The following ANXA3 variants were observed in gnomAD, a reference collection of about 807,000 sequenced individuals.
The protein encoded by ANXA3 is annexin A3.
A neutral mutation model predicts 48.8 loss-of-function variants in ANXA3; 46 were observed. The observed-to-expected ratio is 0.94, with a 90% confidence interval of 0.74 to 1.21. The LOEUF (loss-of-function observed/expected upper bound fraction) is 1.21. Among genes scored for constraint, ANXA3 ranks in the 50% most tolerant of loss-of-function variants. The probability of loss-of-function intolerance (pLI) is 0.00; values close to 1 mark genes in which losing one functional copy is unlikely to be tolerated. For synonymous variants in ANXA3, 128 were observed against 134.7 expected (o/e 0.95, Z 0.35); for missense variants, 383 against 378.6 (o/e 1.01, Z -0.10).
chr4:78,597,596 G>A (rs1723448327), intron 10 of ANXA3, among the ~76,000 whole-genome samples, 182 bp downstream of exon 10: 1 of 152,082 alleles, frequency 6.6e-6, no homozygotes, highest in African/African-American at 2.4e-5. Context: ...GCTTGAAGAA[G>A]TTATTTTTTT....
chr4:78,586,239 A>T, intron 5 of ANXA3, 21 bp from the exon 6 acceptor site: 1 of 1,599,348 alleles, frequency 6.3e-7, no homozygotes, highest in Non-Finnish European at 8.6e-7. Context: ...TCTAAAAATT[A>T]GATTTTCTTT....
At chr4:78,595,762 TTG>T in intron 8 of ANXA3, 30 bp from the exon 9 acceptor site, 10 of 1,371,224 alleles carry the variant, frequency 7.3e-6, no homozygotes, top group Non-Finnish European at 1.0e-5. Flanking sequence ...AAGAAAATAA[TTG>T]TGTCTCTAAT....
Position 78,595,446 on chromosome 4 carries a change from C to G in ANXA3, c.540+9C>G. The G allele has an allele frequency of 6.2e-7, 1 of 1,612,608 alleles. No individual in the cohort carries two copies. Among genetic ancestry groups the G allele is most frequent in the South Asian group, 1.1e-5 (1 of 90,684 alleles). On this transcript the variant is annotated intron_variant, in intron 8 of 12. Transcript: ENST00000264908. ...CCAAACAAGATGCCCAGGTCAGTAA[C>G]AAAGCGGGAAAACATTTCCTTTACC...
intron 5 of ANXA3, 93 bp from the exon 6 acceptor site, chr4:78,586,167 C>A: frequency 7.2e-6 from 6 of 832,512 alleles, no homozygotes; most frequent in Middle Eastern, 2.7e-4. Flanking sequence ...TTAAAAGTGT[C>A]CTTTCATCTA....
At chr4:78,563,549 C>T (rs1045429397) in intron 2 of ANXA3, among the ~76,000 whole-genome samples, 1 of 152,310 alleles carries the variant, frequency 6.6e-6, no homozygotes, top group Admixed American at 6.5e-5. Context: ...TGTGAGAACA[C>T]AGCCAGAAGG....
chr4:78,586,393 T>A, intron 6 of ANXA3, 43 bp downstream of exon 6: 1 of 1,454,386 alleles, frequency 6.9e-7, no homozygotes, highest in Non-Finnish European at 9.6e-7. Context: ...TCACACATAT[T>A]TGAGCCAATG....
At chr4:78,568,576 T>TAA (rs1246620643) in intron 2 of ANXA3, among the ~76,000 whole-genome samples, 2 of 152,234 alleles carry the variant, frequency 1.3e-5, no homozygotes, top group African/African-American at 4.8e-5. Context: ...CATTTGGCTT[T>TAA]AAATATGTTT....
At chr4:78,588,146 T>A (rs1335824720) in intron 6 of ANXA3, among the ~76,000 whole-genome samples, 2 of 151,558 alleles carry the variant, frequency 1.3e-5, no homozygotes, top group African/African-American at 4.9e-5. Context: ...AATCCTGGCA[T>A]TTTGGGAGGC....
intron 5 of ANXA3, among the ~76,000 whole-genome samples, chr4:78,582,579 T>G (rs1414154411): frequency 6.6e-6 from 1 of 152,194 alleles, no homozygotes; most frequent in Admixed American, 6.5e-5. Flanking sequence ...ACACTCAAGC[T>G]AAAAACCTAG....
At chr4:78,566,488 CA>C (rs397777058) in intron 2 of ANXA3, among the ~76,000 whole-genome samples, 239 of 141,464 alleles carry the variant, frequency 1.7e-3, no homozygotes, top group African/African-American at 5.3e-3. Flanking sequence ...CACTCAGCCA[CA>C]AAAAAAAAAA....
Position 78,610,072 on chromosome 4 carries a change from A to G in ANXA3, c.929A>G (p.Asp310Gly), listed in dbSNP as rs1723726350. Residue 310 changes from aspartate (D) to glycine (G), a missense_variant, in exon 13 of 13, where the codon GAC (aspartate) becomes GGC (glycine). Coordinates refer to ENST00000264908, the MANE Select transcript of ANXA3 (RefSeq NM_005139.3). ...YSAIKSDTSG[D>G]YEITLLKICG... ...TCTTTGCAGTCGGATACTTCTGGAGACTATGAAATCACACTCTTAAAAATC... is the reference window on the plus strand; with the variant it reads ...TCTTTGCAGTCGGATACTTCTGGAGGCTATGAAATCACACTCTTAAAAATC... 2 of 1,610,314 alleles carry G rather than the reference A, an allele frequency of 1.2e-6. No individual in the cohort carries two copies. The highest frequency in any genetic ancestry group is 2.7e-5 in the African/African-American group (2 of 74,776).
chr4:78,592,828 C>T (rs1324516623), intron 7 of ANXA3, among the ~76,000 whole-genome samples: 9 of 151,888 alleles, frequency 5.9e-5, no homozygotes, highest in African/African-American at 1.5e-4. Flanking sequence ...ATATTAAGAC[C>T]GATGATAATC....
intron 4 of ANXA3, among the ~76,000 whole-genome samples, chr4:78,581,033 G>T (rs11736963): frequency 6.6e-6 from 1 of 152,214 alleles, no homozygotes; most frequent in Non-Finnish European, 1.5e-5. Flanking sequence ...ATAAGATTCA[G>T]CTGCAGTGGC....
intron 3 of ANXA3, 53 bp from the exon 4 acceptor site, chr4:78,578,974 C>G (rs1202530339): frequency 8.0e-7 from 1 of 1,252,982 alleles, no homozygotes; most frequent in African/African-American, 1.5e-5. Flanking sequence ...TGCTTTTGTT[C>G]AAGACAAATG....
At chr4:78,578,262 C>CGA (rs375455512) in intron 3 of ANXA3, among the ~76,000 whole-genome samples, 27 of 130,354 alleles carry the variant, frequency 2.1e-4, no homozygotes, top group Non-Finnish European at 1.6e-5. Flanking sequence ...GCCTGGGCAA[C>CGA]GAGAGAGAGA....
At chr4:78,598,824 G>A (rs1723480173) in intron 10 of ANXA3, among the ~76,000 whole-genome samples, 1 of 151,912 alleles carries the variant, frequency 6.6e-6, no homozygotes, top group Non-Finnish European at 1.5e-5. Flanking sequence ...ACAGGCTTGA[G>A]CCACCACCCC....
intron 5 of ANXA3, among the ~76,000 whole-genome samples, chr4:78,585,834 G>T (rs556177160): frequency 6.6e-6 from 1 of 152,168 alleles, no homozygotes; most frequent in Non-Finnish European, 1.5e-5. Flanking sequence ...GATTTGAAAG[G>T]CTCCCTGTAT....
intron 5 of ANXA3, among the ~76,000 whole-genome samples, chr4:78,585,368 G>A (rs1290566013): frequency 6.6e-6 from 1 of 152,150 alleles, no homozygotes; most frequent in Non-Finnish European, 1.5e-5. Context: ...GGCTAAAGAA[G>A]GCTCATGACT....
intron 12 of ANXA3, among the ~76,000 whole-genome samples, chr4:78,605,892 A>G (rs926045048): frequency 1.3e-5 from 2 of 152,278 alleles, no homozygotes; most frequent in African/African-American, 4.8e-5. Flanking sequence ...GAAGATGGCA[A>G]CTAGTTAGTG....
Sources: allele counts gnomAD v4.1 joint callset (sites outside exome capture counted in the v4.1 genomes callset), GRCh38; gene constraint gnomAD v4.1.1; transcripts MANE v1.5; gene names NCBI Gene and HGNC (gene_info 2026-07-23, HGNC 2026-07-21).